Variants in SPATA16 observed in about 807,000 individuals in gnomAD.
SPATA16 encodes the protein spermatogenesis associated 16, also known as spermatogenesis-associated protein 16.
In SPATA16, 36 loss-of-function variants were observed where a neutral mutation model predicts 63.3. That is an observed-to-expected ratio of 0.57 (90% CI 0.44 to 0.75). The LOEUF (loss-of-function observed/expected upper bound fraction) is 0.75. Ranked by LOEUF, SPATA16 falls within the 30% of genes least tolerant of loss-of-function variation. SPATA16 has a pLI of 0.00. For synonymous variants in SPATA16, 203 were observed against 216.7 expected, an observed-to-expected ratio of 0.94 and a Z score of 0.56; for missense variants, 646 against 679.3, an observed-to-expected ratio of 0.95 and a Z score of 0.54.
intron 4 of SPATA16, among the ~76,000 whole-genome samples, chr3:173,014,342 C>G (rs1312075449): frequency 6.6e-6 from 1 of 152,122 alleles, no homozygotes; most frequent in Non-Finnish European, 1.5e-5. Context: ...AATAGAAAAC[C>G]AAGTACTGCA....
chr3:173,128,997 G>C (rs1275910232), intron 1 of SPATA16, among the ~76,000 whole-genome samples: 3 of 152,206 alleles, frequency 2.0e-5, no homozygotes, highest in Non-Finnish European at 4.4e-5. Context: ...ATTAGCTGTT[G>C]ATGCTAAAGA....
chr3:173,106,443 T>C (rs1002630291), intron 2 of SPATA16, among the ~76,000 whole-genome samples: 2 of 152,220 alleles, frequency 1.3e-5, no homozygotes, highest in Admixed American at 1.3e-4. Flanking sequence ...TAAGGAGCTA[T>C]GATTGTGGGG....
At chr3:173,101,400 C>T (rs1292163702) in intron 2 of SPATA16, among the ~76,000 whole-genome samples, 1 of 152,194 alleles carries the variant, frequency 6.6e-6, no homozygotes, top group Admixed American at 6.5e-5. Flanking sequence ...CCACCGTTTT[C>T]AACTTAAGCT....
intron 4 of SPATA16, among the ~76,000 whole-genome samples, chr3:173,010,986 C>T (rs1266029898): frequency 6.6e-6 from 1 of 152,116 alleles, no homozygotes; most frequent in Non-Finnish European, 1.5e-5. Context: ...GATGGATTCA[C>T]ACCCAAATTC....
intron 2 of SPATA16, among the ~76,000 whole-genome samples, chr3:173,114,842 C>A (rs909639578): frequency 6.6e-6 from 1 of 152,094 alleles, no homozygotes; most frequent in Admixed American, 6.5e-5. Flanking sequence ...AAGTTAAATT[C>A]GGGAAAAGAA....
chr3:173,088,076 T>G (rs11921269), intron 2 of SPATA16, among the ~76,000 whole-genome samples: 2,428 of 120,140 alleles, frequency 0.02, 205 homozygotes, highest in African/African-American at 0.082. Flanking sequence ...CTTTCTTTCT[T>G]TCTGTCTTTT....
At chr3:173,010,388 C>T (rs1011441136) in intron 4 of SPATA16, among the ~76,000 whole-genome samples, 47 of 152,226 alleles carry the variant, frequency 3.1e-4, no homozygotes, top group African/African-American at 1.1e-3. Context: ...GGTTGGGGCT[C>T]CCAGCATAGC....
At chr3:172,926,633 C>T (rs1445339276) in intron 6 of SPATA16, among the ~76,000 whole-genome samples, 2 of 152,180 alleles carry the variant, frequency 1.3e-5, no homozygotes, top group African/African-American at 4.8e-5. Flanking sequence ...TCGCTTGGCA[C>T]TAAGTTACTT....
intron 10 of SPATA16, among the ~76,000 whole-genome samples, chr3:172,892,630 C>A (rs1577079566): frequency 6.6e-6 from 1 of 151,554 alleles, no homozygotes; most frequent in Admixed American, 6.6e-5. Flanking sequence ...TTTTTTATGT[C>A]AAGGAAAGAA....
chr3:173,075,425 T>C (rs982292017), intron 2 of SPATA16, among the ~76,000 whole-genome samples: 2 of 152,268 alleles, frequency 1.3e-5, no homozygotes, highest in East Asian at 3.9e-4. Flanking sequence ...ATCCCACTGC[T>C]GGATAGATAC....
intron 6 of SPATA16, among the ~76,000 whole-genome samples, chr3:172,929,146 T>A (rs566828965): frequency 6.6e-6 from 1 of 152,204 alleles, no homozygotes; most frequent in Non-Finnish European, 1.5e-5. Flanking sequence ...CAAAAGAAAC[T>A]TGGGAGAAAC....
At chr3:173,014,460 G>T (rs1405393748) in intron 4 of SPATA16, among the ~76,000 whole-genome samples, 1 of 152,124 alleles carries the variant, frequency 6.6e-6, no homozygotes, top group Non-Finnish European at 1.5e-5. Flanking sequence ...GGGGCGTAAG[G>T]GTGGATAAAC....
chr3:173,062,742 C>A (rs1381068345), intron 2 of SPATA16, among the ~76,000 whole-genome samples: 2 of 152,126 alleles, frequency 1.3e-5, no homozygotes, highest in East Asian at 3.8e-4. Flanking sequence ...TTTTTGGCAC[C>A]AGAGACTGGT....
intron 10 of SPATA16, among the ~76,000 whole-genome samples, chr3:172,898,047 G>C (rs1475268039): frequency 6.6e-6 from 1 of 151,766 alleles, no homozygotes; most frequent in African/African-American, 2.4e-5. Flanking sequence ...TGTTTATATG[G>C]TAGATTACAC....
rs1560137586 is a variant in SPATA16 at position 173,141,115 on chromosome 3, G to A, written c.-31C>T. The A allele has an allele frequency of 6.6e-6, 1 of 152,240 alleles. No homozygotes were observed. Among genetic ancestry groups the A allele is most frequent in the Non-Finnish European group, 1.5e-5 (1 of 68,098 alleles). 9.4% of individuals were successfully genotyped at this position (152,240 alleles called of 1,614,324 possible). A position where few individuals can be genotyped will look rare whatever the true frequency, so the allele number is the denominator to read the frequency against. On this transcript the variant is annotated 5_prime_UTR_variant, in exon 1 of 11. Coordinates refer to ENST00000351008, the MANE Select transcript of SPATA16 (RefSeq NM_031955.6). The stretch of plus-strand genomic sequence containing the variant: ...ATTCTCCTCCTACCTAAGCAGTTGT[G>A]GCTCAGCCCCGCGGGGACAGGGCGA...
intron 6 of SPATA16, among the ~76,000 whole-genome samples, chr3:172,954,059 G>T (rs1399566453): frequency 6.6e-6 from 1 of 152,180 alleles, no homozygotes; most frequent in Non-Finnish European, 1.5e-5. Context: ...TTTTCATCAG[G>T]ATAGAAGCTT....
chr3:172,946,798 G>A (rs969259894), intron 6 of SPATA16, among the ~76,000 whole-genome samples: 1 of 152,160 alleles, frequency 6.6e-6, no homozygotes, highest in African/African-American at 2.4e-5. Context: ...CGCAAGCCTG[G>A]CTGGATTCAC....
intron 8 of SPATA16, among the ~76,000 whole-genome samples, chr3:172,921,221 A>T (rs1228486651): frequency 6.6e-6 from 1 of 152,102 alleles, no homozygotes; most frequent in African/African-American, 2.4e-5. Flanking sequence ...AAAATGTGAC[A>T]TTCTACTAGG....
chr3:172,902,995 G>A (rs1732153540), intron 10 of SPATA16, among the ~76,000 whole-genome samples: 1 of 152,182 alleles, frequency 6.6e-6, no homozygotes, highest in South Asian at 2.1e-4. Flanking sequence ...GACTGAATGA[G>A]CTACAAGTCA....
Sources: gnomAD v4.1 joint callset for allele counts (sites outside exome capture counted in the v4.1 genomes callset) on GRCh38, gnomAD v4.1.1 for gene constraint, MANE v1.5 for transcripts, NCBI Gene and HGNC (gene_info 2026-07-23, HGNC 2026-07-21) for gene names.